The following DLGAP2 variants were observed in gnomAD, a reference collection of about 807,000 sequenced individuals.
DLGAP2 encodes the protein disks large-associated protein 2.
Under a neutral mutation model 100.3 loss-of-function variants are expected in DLGAP2, and 26 were observed. The ratio of observed to expected loss-of-function variants is 0.26; its 90% CI spans 0.19 to 0.36. DLGAP2 has a LOEUF of 0.36. Ranked by LOEUF, DLGAP2 falls within the 10% of genes least tolerant of loss-of-function variation. The pLI is 1.00. For synonymous variants in DLGAP2, 886 were observed against 630.1 expected (o/e 1.41, Z -6.08); for missense variants, 1,858 against 1,453.2 (o/e 1.28, Z -4.53).
chr8:1,630,015 T>C (rs974109384), intron 7 of DLGAP2, among the ~76,000 whole-genome samples: 1 of 152,142 alleles, frequency 6.6e-6, no homozygotes, highest in South Asian at 2.1e-4. Flanking sequence ...TTGGAAACAA[T>C]GGTTAAGCAG....
rs749872613 is a variant in DLGAP2, at chr8:1,548,800, C to T, written c.347C>T (p.Ala116Val). The change falls in exon 5 of 15, where the codon GCG becomes GTG. Residue 116 changes from alanine to valine, a missense_variant. Physicochemically the swap from Ala to Val is moderately conservative, Grantham distance 64. Transcript: ENST00000637795. ...DCEHLHHGPD[A>V]RPPYLLSPAD... ...GAGCACCTGCACCACGGGCCCGACG[C>T]GCGGCCGCCCTACCTGCTGAGCCCC... 7 of 1,580,070 alleles carry T rather than the reference C, an allele frequency of 4.4e-6. No homozygotes were observed. The highest frequency in any genetic ancestry group is 2.7e-5 in the African/African-American group (2 of 74,132).
intron 3 of DLGAP2, among the ~76,000 whole-genome samples, chr8:1,288,966 A>G (rs1231822631): frequency 1.3e-5 from 2 of 152,224 alleles, no homozygotes; most frequent in Non-Finnish European, 2.9e-5. Flanking sequence ...AATGCAAGTC[A>G]TTTATGCATT....
chr8:1,453,791 A>T (rs562960558), intron 3 of DLGAP2, among the ~76,000 whole-genome samples: 6 of 152,354 alleles, frequency 3.9e-5, no homozygotes, highest in Non-Finnish European at 5.9e-5. Context: ...ACATACTCCC[A>T]ACCCATAAGG....
At chr8:1,563,624 T>C (rs1035935365) in intron 5 of DLGAP2, among the ~76,000 whole-genome samples, 5 of 152,052 alleles carry the variant, frequency 3.3e-5, no homozygotes, top group African/African-American at 9.7e-5. Context: ...TAAGGGGAGC[T>C]CCTGCTCGTC....
intron 1 of DLGAP2, among the ~76,000 whole-genome samples, chr8:832,324 T>A (rs1161542066): frequency 6.6e-6 from 1 of 152,244 alleles, no homozygotes; most frequent in African/African-American, 2.4e-5. Flanking sequence ...CTAGGTTTTC[T>A]TCTAGGGTTT....
At chr8:1,265,317 C>G (rs1168939319) in intron 3 of DLGAP2, among the ~76,000 whole-genome samples, 2 of 152,072 alleles carry the variant, frequency 1.3e-5, no homozygotes, top group African/African-American at 2.4e-5. Flanking sequence ...TTTAAATTGA[C>G]CACTCTGTGG....
chr8:1,668,370 C>T lies in DLGAP2; in HGVS notation c.1852C>T (p.Pro618Ser). 10 of 1,559,900 alleles carry T rather than the reference C, an allele frequency of 6.4e-6. No individual in the cohort carries two copies. The highest frequency in any genetic ancestry group is 1.4e-5 in the African/African-American group (1 of 72,544). ...TNYKKTPPPV[P>S]PRTTSKPLIS... The stretch of plus-strand genomic sequence containing the variant: ...TTACAAGAAAACGCCCCCACCGGTG[C>T]CCCCTCGGACCACCTCCAAGCCTCT... Residue 618 changes from proline (P) to serine (S), a missense_variant, in exon 9 of 15, where the codon CCC becomes TCC. Pro to Ser is a moderately conservative substitution (Grantham distance 74). Coordinates refer to ENST00000637795, the MANE Select transcript of DLGAP2 (RefSeq NM_001346810.2).
intron 2 of DLGAP2, among the ~76,000 whole-genome samples, chr8:928,433 C>A (rs1798866679): frequency 1.3e-5 from 2 of 152,032 alleles, no homozygotes; most frequent in Non-Finnish European, 2.9e-5. Context: ...CTTAGTGTAT[C>A]CCAGGCTTCA....
At chr8:1,271,810 T>G (rs528085104) in intron 3 of DLGAP2, among the ~76,000 whole-genome samples, 1 of 152,288 alleles carries the variant, frequency 6.6e-6, no homozygotes, top group South Asian at 2.1e-4. Flanking sequence ...TAATTTTTAT[T>G]TATTTATGAA....
intron 1 of DLGAP2, among the ~76,000 whole-genome samples, chr8:905,629 A>C (rs1211555204): frequency 2.0e-5 from 3 of 152,194 alleles, no homozygotes; most frequent in Admixed American, 6.5e-5. Flanking sequence ...CACAGGCAGG[A>C]TGTGGGCCTC....
chr8:1,197,311 A>T (rs991379708), intron 2 of DLGAP2, among the ~76,000 whole-genome samples: 2 of 152,220 alleles, frequency 1.3e-5, no homozygotes, highest in Non-Finnish European at 2.9e-5. Context: ...CCATGCTGAC[A>T]CAGAATTCAC....
chr8:1,462,503 ACGTGGGCTGGGTG>A, intron 3 of DLGAP2, among the ~76,000 whole-genome samples: 1 of 92,442 alleles, frequency 1.1e-5, no homozygotes, highest in East Asian at 8.7e-4. Context: ...TGCTGCTGTC[ACGTGGGCTGGGTG>A]CAGTCGCTGA....
chr8:820,805 C>T (rs1470517599), intron 1 of DLGAP2, among the ~76,000 whole-genome samples: 1 of 152,078 alleles, frequency 6.6e-6, no homozygotes, highest in Non-Finnish European at 1.5e-5. Context: ...TTGGAGATAA[C>T]CTAAATACTC....
At chr8:1,468,650 C>T (rs1584933286) in intron 3 of DLGAP2, among the ~76,000 whole-genome samples, 1 of 152,156 alleles carries the variant, frequency 6.6e-6, no homozygotes, top group East Asian at 1.9e-4. Flanking sequence ...CAGTGCATTC[C>T]TCGCTTTATT....
At chr8:1,049,145 C>G (rs185055353) in intron 2 of DLGAP2, among the ~76,000 whole-genome samples, 1 of 152,266 alleles carries the variant, frequency 6.6e-6, no homozygotes, top group African/African-American at 2.4e-5. Flanking sequence ...AATGTTTAGA[C>G]GACGACTGGT....
intron 3 of DLGAP2, among the ~76,000 whole-genome samples, chr8:1,285,736 A>C (rs898000847): frequency 3.3e-5 from 5 of 152,218 alleles, no homozygotes; most frequent in African/African-American, 1.2e-4. Flanking sequence ...TAGTAGGCTG[A>C]CACAGGAGGA....
chr8:946,860 G>A (rs1799338607), intron 2 of DLGAP2, among the ~76,000 whole-genome samples: 1 of 152,322 alleles, frequency 6.6e-6, no homozygotes, highest in African/African-American at 2.4e-5. Context: ...CGTCCCTGAC[G>A]GTGGCTGCCA....
intron 2 of DLGAP2, among the ~76,000 whole-genome samples, chr8:1,244,901 A>G (rs1170200770): frequency 6.6e-6 from 1 of 152,260 alleles, no homozygotes; most frequent in East Asian, 1.9e-4. Context: ...GTTTCTATTT[A>G]GAAGAACTCC....
intron 2 of DLGAP2, among the ~76,000 whole-genome samples, chr8:975,258 C>T (rs1800133592): frequency 6.6e-6 from 1 of 152,272 alleles, no homozygotes; most frequent in Admixed American, 6.5e-5. Context: ...TAATAACTTT[C>T]CAAAACAGTA....
Sources: allele counts gnomAD v4.1 joint callset (sites outside exome capture counted in the v4.1 genomes callset), GRCh38; gene constraint gnomAD v4.1.1; transcripts MANE v1.5; gene names NCBI Gene and HGNC (gene_info 2026-07-23, HGNC 2026-07-21).